Variants in SORL1 observed in about 807,000 individuals in gnomAD.
SORL1 encodes the protein sortilin related receptor 1.
SORL1 carries 127 observed loss-of-function variants against 273.7 expected under a neutral mutation model. That is an observed-to-expected ratio of 0.46 (90% CI 0.40 to 0.54). The LOEUF (loss-of-function observed/expected upper bound fraction) is 0.54, where lower values mean the gene tolerates loss of function less well. SORL1 is among the 20% of genes least tolerant of loss of function. The pLI is 0.00. For missense variants in SORL1, 2,494 were observed against 2,846.1 expected (o/e 0.88, Z 2.81); for synonymous variants, 1,031 against 1,067.4 (o/e 0.97, Z 0.66).
At chr11:121,610,027 C>T (rs1863538276) in intron 38 of SORL1, 1 of 152,220 alleles carries the variant, frequency 6.6e-6, no homozygotes, top group Admixed American at 6.5e-5. Flanking sequence ...ATCCTTTCTT[C>T]TTCCGGTTAT....
intron 3 of SORL1, among the ~76,000 whole-genome samples, chr11:121,481,201 C>G (rs1861378109): frequency 1.8e-5 from 2 of 112,046 alleles, no homozygotes; most frequent in African/African-American, 3.9e-5. Context: ...TCCTCCTCCC[C>G]AGCTCCTCTC....
intron 3 of SORL1, among the ~76,000 whole-genome samples, chr11:121,478,877 T>C (rs1010887733): frequency 6.6e-6 from 1 of 151,854 alleles, no homozygotes; most frequent in African/African-American, 2.4e-5. Flanking sequence ...CACATATGGG[T>C]ACCTGTGTGT....
chr11:121,509,612 G>A (rs1384142743), intron 6 of SORL1, among the ~76,000 whole-genome samples: 1 of 152,068 alleles, frequency 6.6e-6, no homozygotes, highest in East Asian at 1.9e-4. Context: ...GAGTAGCTGG[G>A]ATTACAGGCA....
chr11:121,458,610 G>T (rs1036686892), intron 1 of SORL1, among the ~76,000 whole-genome samples: 2 of 152,200 alleles, frequency 1.3e-5, no homozygotes, highest in Admixed American at 1.3e-4. Context: ...GGTATAGTCA[G>T]TCTAGCCACG....
intron 6 of SORL1, among the ~76,000 whole-genome samples, chr11:121,504,567 C>T (rs1308280828): frequency 6.6e-6 from 1 of 151,954 alleles, no homozygotes; most frequent in Non-Finnish European, 1.5e-5. Flanking sequence ...TTTATTAGTT[C>T]TAACTTTTTT....
chr11:121,600,446 G>A lies in SORL1; in HGVS notation c.4520-3747G>A, dbSNP rs78120137. ...CTAGAGTGTTAAACCAACAGGGACA[G>A]GTTGATCCCACACTCACCAAAATGA... On this transcript the variant is annotated intron_variant, in intron 32 of 47. Coordinates refer to ENST00000260197, the MANE Select transcript of SORL1 (RefSeq NM_003105.6). 1.6e-3 allele frequency among the ~76,000 whole-genome samples: 245 copies of A among 152,308 alleles called. 1 individual carries two copies. Among genetic ancestry groups the A allele is most frequent in the African/African-American group, 5.7e-3 (235 of 41,578 alleles).
At chr11:121,586,695 G>GGGT (rs1863117367) in intron 27 of SORL1, among the ~76,000 whole-genome samples, 1 of 10,084 alleles carries the variant, frequency 9.9e-5, no homozygotes, top group Non-Finnish European at 3.9e-4. Context: ...GGGTAGAGTG[G>GGGT]GGGGGGGGGC....
intron 5 of SORL1, among the ~76,000 whole-genome samples, chr11:121,492,453 C>T (rs921207289): frequency 3.9e-5 from 6 of 152,184 alleles, no homozygotes; most frequent in Admixed American, 1.3e-4. Context: ...TACTCCCAAT[C>T]TCCTGTACTG....
intron 6 of SORL1, among the ~76,000 whole-genome samples, chr11:121,512,053 A>G (rs2134843172): frequency 6.6e-6 from 1 of 152,346 alleles, no homozygotes; most frequent in South Asian, 2.1e-4. Flanking sequence ...ATGTTCTTTT[A>G]GAGCTGGAAG....
intron 3 of SORL1, among the ~76,000 whole-genome samples, chr11:121,480,180 T>C (rs373816763): frequency 2.0e-5 from 3 of 152,204 alleles, no homozygotes; most frequent in African/African-American, 7.2e-5. Flanking sequence ...GGATTTTGTG[T>C]TCTCACACAA....
chr11:121,474,356 G>A (rs1017428838), intron 2 of SORL1, among the ~76,000 whole-genome samples: 1 of 152,214 alleles, frequency 6.6e-6, no homozygotes, highest in African/African-American at 2.4e-5. Context: ...AGAGGGGGCA[G>A]TCTGTGGGCA....
At chr11:121,571,574 A>G (rs1455905833) in intron 23 of SORL1, among the ~76,000 whole-genome samples, 1 of 152,234 alleles carries the variant, frequency 6.6e-6, no homozygotes, top group Non-Finnish European at 1.5e-5. Context: ...TCATTTACCC[A>G]TTTGTACTGT....
intron 3 of SORL1, among the ~76,000 whole-genome samples, chr11:121,478,852 G>T (rs370200255): frequency 1.3e-5 from 2 of 151,836 alleles, no homozygotes; most frequent in African/African-American, 4.8e-5. Context: ...GGGTACCTGC[G>T]TGTGTGTGCT....
intron 31 of SORL1, among the ~76,000 whole-genome samples, chr11:121,593,134 T>C (rs569999129): frequency 6.4e-4 from 97 of 152,352 alleles, no homozygotes; most frequent in Non-Finnish European, 1.3e-3. Context: ...TGGAGCCCTC[T>C]GATGCCTCCC....
At chr11:121,544,058 G>A (rs1862387552) in intron 13 of SORL1, among the ~76,000 whole-genome samples, 1 of 152,194 alleles carries the variant, frequency 6.6e-6, no homozygotes, top group Admixed American at 6.5e-5. Context: ...TATTCAGTGA[G>A]TGTGCCTGAC....
rs75194399 is a variant in SORL1 at position 121,593,991 on chromosome 11, T to A, written c.4370-1632T>A. 6.2e-3 allele frequency among the ~76,000 whole-genome samples: 940 copies of A among 152,350 alleles called. 6 individuals are homozygous for A. The highest frequency in any genetic ancestry group is 0.021 in the African/African-American group (888 of 41,574). ...AAGTGTTTTAATTCTGTCTTCAGAC[T>A]TAATTGATAGTTGGGCTGGGTTTGG... On this transcript the variant is annotated intron_variant, in intron 31 of 47. Transcript: ENST00000260197.
chr11:121,580,145 T>TAG (rs1168826726), intron 25 of SORL1, among the ~76,000 whole-genome samples: 1 of 152,218 alleles, frequency 6.6e-6, no homozygotes, highest in Non-Finnish European at 1.5e-5. Context: ...CTTGAGACTT[T>TAG]GTTTGTTTTA....
intron 43 of SORL1, among the ~76,000 whole-genome samples, chr11:121,620,558 A>T (rs1419682067): frequency 6.6e-6 from 1 of 152,020 alleles, no homozygotes; most frequent in African/African-American, 2.4e-5. Context: ...TCAACTCTCC[A>T]CTTCCTTGTC....
At chr11:121,556,773 T>C (rs1862593100) in intron 18 of SORL1, among the ~76,000 whole-genome samples, 1 of 152,138 alleles carries the variant, frequency 6.6e-6, no homozygotes, top group African/African-American at 2.4e-5. Flanking sequence ...GTGGGGCAGG[T>C]AGGCCCAGGA....
Sources: gnomAD v4.1 joint callset for allele counts (sites outside exome capture counted in the v4.1 genomes callset) on GRCh38, gnomAD v4.1.1 for gene constraint, MANE v1.5 for transcripts, NCBI Gene and HGNC (gene_info 2026-07-23, HGNC 2026-07-21) for gene names.